PDE8A: variants seen among roughly 807,000 people sequenced by gnomAD.
PDE8A encodes the protein high affinity cAMP-specific and IBMX-insensitive 3',5'-cyclic phosphodiesterase 8A.
A neutral mutation model predicts 105.0 loss-of-function variants in PDE8A; 59 were observed. That is an observed-to-expected ratio of 0.56 (90% CI 0.46 to 0.70). The LOEUF is 0.70. Ranked by LOEUF, PDE8A falls within the 30% of genes least tolerant of loss-of-function variation. The pLI is 0.00. For missense variants in PDE8A, 1,014 were observed against 1,045.9 expected (o/e 0.97, Z 0.42); for synonymous variants, 355 against 371.9 (o/e 0.95, Z 0.52).
At chr15:85,052,809 C>T (rs900285549) in intron 1 of PDE8A, among the ~76,000 whole-genome samples, 77 of 152,212 alleles carry the variant, frequency 5.1e-4, no homozygotes, top group Non-Finnish European at 8.4e-4. Flanking sequence ...TTTTGCTGTG[C>T]AGAAGCTCTT....
At chr15:85,020,971 A>G (rs1041293802) in intron 1 of PDE8A, among the ~76,000 whole-genome samples, 1 of 152,172 alleles carries the variant, frequency 6.6e-6, no homozygotes. Context: ...TGTAGCTGCT[A>G]TGGTCTCAAT....
At chr15:84,989,030 A>AT (rs1400939886) in intron 1 of PDE8A, among the ~76,000 whole-genome samples, 1 of 152,238 alleles carries the variant, frequency 6.6e-6, no homozygotes, top group Non-Finnish European at 1.5e-5. Flanking sequence ...TAAGCCAGTG[A>AT]TTAATCTGTG....
At chr15:85,097,120 G>A (rs138792867) in intron 8 of PDE8A, among the ~76,000 whole-genome samples, 116 of 149,082 alleles carry the variant, frequency 7.8e-4, no homozygotes, top group African/African-American at 2.8e-3. Context: ...TACCCTAGGG[G>A]TTCAGTGTCC....
At chr15:84,980,524 A>T (rs1049462927), upstream of PDE8A, 7 of 152,412 alleles carry the variant, frequency 4.6e-5, no homozygotes, top group Admixed American at 3.3e-4. Context: ...CGGAGAGGAC[A>T]GGAAGGAGCC....
chr15:85,021,131 TCTC>T (rs2080419071), intron 1 of PDE8A, among the ~76,000 whole-genome samples: 1 of 152,176 alleles, frequency 6.6e-6, no homozygotes, highest in East Asian at 1.9e-4. Context: ...GGGAGCTTGT[TCTC>T]CTGTCCGCCT....
chr15:85,100,216 T>TATTCTTAGAGTTC lies in PDE8A; in HGVS notation c.1036+22_1036+34dup. ...TCATACAGGTACGGTGCCCCGTATTTATTCTTAGAGTTCATTGAGTTTTTG... is the reference window on the plus strand; with the variant it reads ...TCATACAGGTACGGTGCCCCGTATTTATTCTTAGAGTTCATTCTTAGAGTTCATTGAGTTTTTG... On this transcript the variant is annotated intron_variant, in intron 11 of 21. Transcript: ENST00000394553. 1 of 1,600,996 alleles carries TATTCTTAGAGTTC rather than the reference T, an allele frequency of 6.2e-7. No individual in the cohort carries two copies. The highest frequency in any genetic ancestry group is 8.5e-7 in the Non-Finnish European group (1 of 1,169,802).
At chr15:85,101,910 G>A (rs1244086548) in intron 11 of PDE8A, among the ~76,000 whole-genome samples, 2 of 152,204 alleles carry the variant, frequency 1.3e-5, no homozygotes, top group African/African-American at 2.4e-5. Context: ...GGGCAGTCAG[G>A]TGGGTTTGTT....
intron 19 of PDE8A, among the ~76,000 whole-genome samples, chr15:85,124,757 C>T (rs1248396146): frequency 1.3e-5 from 2 of 152,168 alleles, no homozygotes; most frequent in Non-Finnish European, 2.9e-5. Flanking sequence ...TTGGCTCCTG[C>T]CCTGCCATTC....
At chr15:85,086,283 A>G (rs75319826) in intron 6 of PDE8A, among the ~76,000 whole-genome samples, 2,937 of 152,320 alleles carry the variant, frequency 0.019, 72 homozygotes, top group African/African-American at 0.057. Context: ...ATAAACTAAC[A>G]CTTATAAAAG....
rs756995817 is a variant in PDE8A at position 84,982,176 on chromosome 15, C to G, written c.14C>G (p.Pro5Arg). Residue 5 changes from proline to arginine, a missense_variant, in exon 1 of 22, where the codon CCG becomes CGG. By Grantham distance (103) the Pro-to-Arg change is moderately radical. Transcript: ENST00000394553. MGCA[P>R]SIHISERLVA... ...GCCGCCGCCAGCATGGGCTGTGCCCCGAGCATCCACATTTCCGAGCGCCTG... is the reference window on the plus strand; with the variant it reads ...GCCGCCGCCAGCATGGGCTGTGCCCGGAGCATCCACATTTCCGAGCGCCTG... 6.8e-6 allele frequency: 10 copies of G among 1,478,074 alleles called. No individual in the cohort carries two copies. Among genetic ancestry groups the G allele is most frequent in the East Asian group, 5.9e-5 (2 of 34,082 alleles). The allele number at this position is 1,478,074 out of a possible 1,614,324, so 91.6% of individuals were successfully genotyped here.
intron 20 of PDE8A, among the ~76,000 whole-genome samples, chr15:85,135,872 T>A (rs1042022515): frequency 6.6e-6 from 1 of 152,074 alleles, no homozygotes; most frequent in Non-Finnish European, 1.5e-5. Context: ...TTTTTTTTTT[T>A]AAACATCCAG....
At chr15:85,080,578 G>A (rs553648135) in intron 5 of PDE8A, among the ~76,000 whole-genome samples, 11 of 152,316 alleles carry the variant, frequency 7.2e-5, no homozygotes, top group South Asian at 4.1e-4. Flanking sequence ...CTCTTTGAAA[G>A]TACATAGATG....
intron 12 of PDE8A, among the ~76,000 whole-genome samples, chr15:85,112,420 A>C (rs2082034271): frequency 6.6e-6 from 1 of 152,226 alleles, no homozygotes; most frequent in East Asian, 1.9e-4. Flanking sequence ...ATTATTTTTA[A>C]ATGAAAACAA....
chr15:85,013,816 C>A (rs568194313), intron 1 of PDE8A, among the ~76,000 whole-genome samples: 2 of 152,262 alleles, frequency 1.3e-5, no homozygotes, highest in East Asian at 3.9e-4. Flanking sequence ...CTTTAGTGGG[C>A]CAGCGGATTC....
intron 1 of PDE8A, among the ~76,000 whole-genome samples, chr15:85,028,889 C>A (rs1433493478): frequency 6.6e-6 from 1 of 152,062 alleles, no homozygotes; most frequent in East Asian, 1.9e-4. Context: ...TCTTCTTTTG[C>A]ATGCAGCATA....
At chr15:84,992,120 A>G (rs1270327243) in intron 1 of PDE8A, among the ~76,000 whole-genome samples, 3 of 152,226 alleles carry the variant, frequency 2.0e-5, no homozygotes, top group Non-Finnish European at 4.4e-5. Flanking sequence ...TTGAGTGCCT[A>G]ATATAGAGGC....
At chr15:85,070,328 C>T (rs1008757781) in intron 3 of PDE8A, among the ~76,000 whole-genome samples, 3 of 152,192 alleles carry the variant, frequency 2.0e-5, no homozygotes, top group East Asian at 1.9e-4. Flanking sequence ...AGGAACCCTA[C>T]GTTGTAAGTC....
At chr15:85,122,079 C>G (rs568985370) in intron 18 of PDE8A, among the ~76,000 whole-genome samples, 6 of 152,160 alleles carry the variant, frequency 3.9e-5, no homozygotes, top group Admixed American at 1.3e-4. Flanking sequence ...TTGGCATTGT[C>G]TCTGTTTACA....
chr15:85,078,231 C>G (rs2141487175), intron 5 of PDE8A, among the ~76,000 whole-genome samples: 1 of 136,774 alleles, frequency 7.3e-6, no homozygotes, highest in African/African-American at 3.0e-5. Flanking sequence ...TAACAGCTAG[C>G]TTCTCAGCAG....
Sources: gnomAD v4.1 joint callset for allele counts (sites outside exome capture counted in the v4.1 genomes callset) on GRCh38, gnomAD v4.1.1 for gene constraint, MANE v1.5 for transcripts, NCBI Gene and HGNC (gene_info 2026-07-23, HGNC 2026-07-21) for gene names.